The following MTAP variants were observed in gnomAD, a reference collection of about 807,000 sequenced individuals.
The protein encoded by MTAP is S-methyl-5'-thioadenosine phosphorylase.
In MTAP, 33 loss-of-function variants were observed where a neutral mutation model predicts 33.6. The ratio of observed to expected loss-of-function variants is 0.98; its 90% CI spans 0.74 to 1.31. The LOEUF is 1.31. MTAP is among the 40% of genes most tolerant of loss of function. The pLI is 0.00. For missense variants in MTAP, 367 were observed against 360.0 expected (o/e 1.02, Z -0.16); for synonymous variants, 148 against 125.7 (o/e 1.18, Z -1.19).
At chr9:21,869,305 C>T (rs1163467554), downstream of MTAP, among the ~76,000 whole-genome samples, 2 of 152,176 alleles carry the variant, frequency 1.3e-5, no homozygotes, top group Non-Finnish European at 2.9e-5. Flanking sequence ...CTCAAGGTCA[C>T]CGATTTACTG....
At chr9:21,838,944 GT>G (rs1825176987) in intron 5 of MTAP, among the ~76,000 whole-genome samples, 1 of 152,212 alleles carries the variant, frequency 6.6e-6, no homozygotes. Flanking sequence ...CATATAGAGA[GT>G]AGATGATTTC....
chr9:21,870,842 C>A (rs189395144), downstream of MTAP, among the ~76,000 whole-genome samples: 2 of 144,374 alleles, frequency 1.4e-5, no homozygotes, highest in African/African-American at 2.6e-5. Context: ...GGCATGATCT[C>A]GGCTCACTGC....
intron 1 of MTAP, among the ~76,000 whole-genome samples, chr9:21,921,732 AGGCTGAAGAGGGCAGAT>A (rs1364700601): frequency 6.6e-6 from 1 of 152,166 alleles, no homozygotes; most frequent in Admixed American, 6.5e-5. Flanking sequence ...GCACTTTGTG[AGGCTGAAGAGGGCAGAT>A]GGCTTGAGCT....
At chr9:21,927,659 G>T (rs1175626334) in intron 1 of MTAP, among the ~76,000 whole-genome samples, 1 of 152,132 alleles carries the variant, frequency 6.6e-6, no homozygotes. Context: ...AGATATGCAG[G>T]GTATGCTATA....
chr9:21,915,863 GTC>G (rs1057426116), intron 1 of MTAP, among the ~76,000 whole-genome samples: 1 of 151,900 alleles, frequency 6.6e-6, no homozygotes, highest in African/African-American at 2.4e-5. Context: ...AACCCTCTAT[GTC>G]TCTACAAAAA....
intron 1 of MTAP, among the ~76,000 whole-genome samples, chr9:21,872,787 A>G (rs1825956250): frequency 1.3e-5 from 2 of 152,160 alleles, no homozygotes; most frequent in Non-Finnish European, 2.9e-5. Context: ...GAAACAATTA[A>G]CTGTAGACAG....
intron 5 of MTAP, among the ~76,000 whole-genome samples, chr9:21,841,345 A>G (rs932695638): frequency 5.9e-5 from 9 of 152,236 alleles, no homozygotes; most frequent in African/African-American, 2.2e-4. Flanking sequence ...AGCAACTCAT[A>G]AAACAATAAC....
intron 1 of MTAP, among the ~76,000 whole-genome samples, chr9:21,912,651 T>C (rs1281460348): frequency 1.3e-5 from 2 of 152,210 alleles, no homozygotes; most frequent in Non-Finnish European, 2.9e-5. Flanking sequence ...TAAGAGCTAT[T>C]TATGACAAAC....
chr9:21,910,832 C>A (rs1160436588), intron 1 of MTAP, among the ~76,000 whole-genome samples: 2 of 152,078 alleles, frequency 1.3e-5, no homozygotes, highest in South Asian at 2.1e-4. Flanking sequence ...CTATTAGCAA[C>A]CACTCTTCAA....
chr9:21,837,214 G>A (rs1825132911), intron 4 of MTAP, among the ~76,000 whole-genome samples: 1 of 152,160 alleles, frequency 6.6e-6, no homozygotes, highest in Non-Finnish European at 1.5e-5. Context: ...CAATCTAAAT[G>A]AGGCAGCGAA....
chr9:21,931,500 C>A (rs962980275), downstream of MTAP: 1 of 241,002 alleles, frequency 4.1e-6, no homozygotes, highest in African/African-American at 2.3e-5. Flanking sequence ...AGTCCTGAAG[C>A]TGGTGATCAG....
At chr9:21,821,635 C>G (rs1042778291) in intron 4 of MTAP, among the ~76,000 whole-genome samples, 1 of 152,138 alleles carries the variant, frequency 6.6e-6, no homozygotes, top group Non-Finnish European at 1.5e-5. Context: ...TGATGCTGGC[C>G]TCATAAAATG....
At chr9:21,807,085 G>A (rs943926153) in intron 1 of MTAP, among the ~76,000 whole-genome samples, 91 of 152,138 alleles carry the variant, frequency 6.0e-4, no homozygotes, top group African/African-American at 2.0e-3. Flanking sequence ...AATCTCTTGA[G>A]CCCAGGAGGC....
chr9:21,823,887 A>G (rs898031403), intron 4 of MTAP, among the ~76,000 whole-genome samples: 12 of 152,124 alleles, frequency 7.9e-5, no homozygotes, highest in African/African-American at 2.4e-4. Context: ...CCTTTCTTCC[A>G]GTTGATGGAA....
chr9:21,890,806 G>C (rs1420617923), intron 1 of MTAP, among the ~76,000 whole-genome samples: 1 of 152,160 alleles, frequency 6.6e-6, no homozygotes, highest in Non-Finnish European at 1.5e-5. Context: ...CTGTCTCACA[G>C]AGCTTGCAGT....
intron 1 of MTAP, among the ~76,000 whole-genome samples, chr9:21,814,392 A>G (rs1399750944): frequency 2.6e-5 from 4 of 152,136 alleles, no homozygotes; most frequent in Non-Finnish European, 5.9e-5. Context: ...CCTTGTGACA[A>G]TAGATTTAAA....
chr9:21,815,898 A>G (rs1383476937), intron 2 of MTAP, among the ~76,000 whole-genome samples: 1 of 152,232 alleles, frequency 6.6e-6, no homozygotes, highest in East Asian at 1.9e-4. Flanking sequence ...CTGATGACTA[A>G]TAGGATGAAT....
At chr9:21,849,208 C>A (rs1002854021) in intron 5 of MTAP, among the ~76,000 whole-genome samples, 1 of 152,154 alleles carries the variant, frequency 6.6e-6, no homozygotes, top group East Asian at 1.9e-4. Context: ...ATATTACCAA[C>A]AATTTATGCT....
rs562987081 is a variant in MTAP, at chr9:21,873,921, TA to T, written c.147+19059del. On this transcript the variant is annotated intron_variant, in intron 1 of 1. Coordinates refer to the MTAP transcript ENST00000577563. The stretch of plus-strand genomic sequence containing the variant: ...TTGTTGCAGAGCACTTTTTTCGGAA[TA>T]AAAAAAATTTGATTATTTCATTTAG... Among the ~76,000 whole-genome samples, 120 of 152,110 alleles carry T rather than the reference TA, an allele frequency of 7.9e-4. 1 individual carries two copies. The highest frequency in any genetic ancestry group is 4.8e-3 in the South Asian group (23 of 4,822).
Sources: gnomAD v4.1 joint callset for allele counts (sites outside exome capture counted in the v4.1 genomes callset) on GRCh38, gnomAD v4.1.1 for gene constraint, MANE v1.5 for transcripts, NCBI Gene and HGNC (gene_info 2026-07-23, HGNC 2026-07-21) for gene names.